KANSL1: variants seen among roughly 807,000 people sequenced by gnomAD.
The protein encoded by KANSL1 is KAT8 regulatory NSL complex subunit 1.
KANSL1 carries 22 observed loss-of-function variants against 103.6 expected under a neutral mutation model. The ratio of observed to expected loss-of-function variants is 0.21; its 90% CI spans 0.15 to 0.30. The LOEUF is 0.30. Among genes scored for constraint, KANSL1 ranks in the 10% least tolerant of loss-of-function variants. The pLI, the probability that KANSL1 is intolerant of heterozygous loss-of-function variation, is 1.00. For missense variants in KANSL1, 1,337 were observed against 1,399.8 expected (o/e 0.96, Z 0.72); for synonymous variants, 600 against 527.6 (o/e 1.14, Z -1.88).
At chr17:46,135,141 A>C (rs1254974640) in intron 2 of KANSL1, among the ~76,000 whole-genome samples, 2 of 150,672 alleles carry the variant, frequency 1.3e-5, no homozygotes, top group Non-Finnish European at 3.0e-5. Flanking sequence ...GAAGAAGCAC[A>C]GGGAGAAATA....
chr17:46,056,781 TTAAAACATTACAC>T (rs1568396188), intron 6 of KANSL1, among the ~76,000 whole-genome samples: 2 of 152,248 alleles, frequency 1.3e-5, no homozygotes, highest in Admixed American at 1.3e-4. Context: ...TCTGTAACTG[TTAAAACATTACAC>T]AAATGTTAGC....
chr17:46,114,223 G>A (rs2042944764), intron 2 of KANSL1, among the ~76,000 whole-genome samples: 1 of 152,174 alleles, frequency 6.6e-6, no homozygotes, highest in African/African-American at 2.4e-5. Context: ...GCTGGGCATG[G>A]TGGCAGGCGC....
chr17:46,124,499 C>T (rs62063163), intron 2 of KANSL1, among the ~76,000 whole-genome samples: 21,701 of 152,024 alleles, frequency 0.14, 2,128 homozygotes, highest in Non-Finnish European at 0.22. Flanking sequence ...CATTGTGCAG[C>T]CCACAGATCA....
At chr17:46,224,873 G>A (rs534581281), upstream of KANSL1, 4 of 151,732 alleles carry the variant, frequency 2.6e-5, no homozygotes, top group Middle Eastern at 3.4e-3. Flanking sequence ...AGAGCGCGGG[G>A]TGGGCTCAGG....
intron 2 of KANSL1, among the ~76,000 whole-genome samples, chr17:46,155,406 C>T (rs926617420): frequency 6.6e-6 from 1 of 152,200 alleles, no homozygotes; most frequent in South Asian, 2.1e-4. Flanking sequence ...GATTCGCCCA[C>T]CTCGGCCTCC....
intron 4 of KANSL1, among the ~76,000 whole-genome samples, chr17:46,069,520 A>AG (rs1276691867): frequency 1.4e-4 from 22 of 152,194 alleles, no homozygotes; most frequent in Admixed American, 1.2e-3. Context: ...TGAAGCAGGC[A>AG]GATCACCTGA....
At chr17:46,062,941 T>TCGGGAGAATGAGG (rs1210085515) in intron 6 of KANSL1, among the ~76,000 whole-genome samples, 1 of 151,986 alleles carries the variant, frequency 6.6e-6, no homozygotes, top group East Asian at 2.0e-4. Context: ...CCCCAGCTAC[T>TCGGGAGAATGAGG]CGGGAGAATG....
At chr17:46,082,313 G>C in intron 4 of KANSL1, 128 bp downstream of exon 4, 2 of 584,278 alleles carry the variant, frequency 3.4e-6, no homozygotes, top group South Asian at 2.3e-5. Flanking sequence ...AACACCAAAA[G>C]TGATAAAAGT....
At chr17:46,132,681 C>T (rs1298448937) in intron 2 of KANSL1, among the ~76,000 whole-genome samples, 1 of 152,238 alleles carries the variant, frequency 6.6e-6, no homozygotes, top group Non-Finnish European at 1.5e-5. Flanking sequence ...GGTTCAGTGG[C>T]TCTTGCCTGC....
chr17:46,216,192 G>A (rs1173710777), intron 1 of KANSL1, among the ~76,000 whole-genome samples: 7 of 152,176 alleles, frequency 4.6e-5, no homozygotes, highest in African/African-American at 7.2e-5. Flanking sequence ...GCATATAGAC[G>A]GCAAGTGAGG....
chr17:46,033,706 G>A (rs2077073392), intron 11 of KANSL1, among the ~76,000 whole-genome samples: 1 of 152,192 alleles, frequency 6.6e-6, no homozygotes, highest in African/African-American at 2.4e-5. Flanking sequence ...GAGGCTGAGA[G>A]ACTGTGACAA....
At chr17:46,185,801 T>A (rs1056682027) in intron 1 of KANSL1, among the ~76,000 whole-genome samples, 1 of 151,642 alleles carries the variant, frequency 6.6e-6, no homozygotes, top group Non-Finnish European at 1.5e-5. Context: ...GTGGGAGGAC[T>A]GCTTGAGCCC....
At chr17:46,115,711 A>G (rs1042135926) in intron 2 of KANSL1, among the ~76,000 whole-genome samples, 1 of 152,270 alleles carries the variant, frequency 6.6e-6, no homozygotes, top group Non-Finnish European at 1.5e-5. Context: ...AAACAATCCA[A>G]CAACTTTAGG....
rs575285710 is a variant in KANSL1, at chr17:46,062,079, A to G, written c.1848+4458T>C. On this transcript the variant is annotated intron_variant, in intron 6 of 14. Coordinates refer to ENST00000432791, the MANE Select transcript of KANSL1 (RefSeq NM_015443.4). Reference sequence around the variant, plus strand: ...TGCACTCCAGCCTGGGTGACAGATCAAGACTCCGACTCAAAAAAAAAAAAA... The same window carrying G: ...TGCACTCCAGCCTGGGTGACAGATCGAGACTCCGACTCAAAAAAAAAAAAA... Among the ~76,000 whole-genome samples, 21 of 141,186 alleles carry G rather than the reference A, an allele frequency of 1.5e-4. No homozygotes were observed. In the East Asian group the frequency reaches 3.8e-3, roughly 26 times the overall value. 92.6% of individuals were successfully genotyped at this position (141,186 alleles called of 152,430 possible).
intron 2 of KANSL1, among the ~76,000 whole-genome samples, chr17:46,168,381 C>T (rs995287790): frequency 1.3e-5 from 2 of 151,072 alleles, no homozygotes; most frequent in African/African-American, 4.9e-5. Flanking sequence ...CGGAGTTTCG[C>T]TCGTTGCCTA....
chr17:46,091,784 T>G (rs1334204841), intron 3 of KANSL1, among the ~76,000 whole-genome samples: 1 of 129,706 alleles, frequency 7.7e-6, no homozygotes, highest in Non-Finnish European at 1.9e-5. Flanking sequence ...CCACCTCAGC[T>G]TGTATGTATT....
intron 2 of KANSL1, among the ~76,000 whole-genome samples, chr17:46,161,056 G>A (rs1324024979): frequency 2.6e-5 from 4 of 152,132 alleles, no homozygotes; most frequent in Non-Finnish European, 4.4e-5. Flanking sequence ...TTCAACAAAT[G>A]TGGGCTATTA....
At chr17:46,161,479 G>A (rs1014024703) in intron 2 of KANSL1, among the ~76,000 whole-genome samples, 6 of 151,604 alleles carry the variant, frequency 4.0e-5, no homozygotes, top group Non-Finnish European at 8.8e-5. Context: ...AAATCAGTTC[G>A]GTCAAAATCC....
rs1345492989 is a variant in KANSL1 at position 46,032,115 on chromosome 17, C to T, written c.3022G>A (p.Asp1008Asn). 1 of 1,614,052 alleles carries T rather than the reference C, an allele frequency of 6.2e-7. No individual in the cohort carries two copies. The highest frequency in any genetic ancestry group is 1.1e-5 in the South Asian group (1 of 91,074). The change falls in exon 14 of 15, where the codon GAC becomes AAC. Residue 1008 changes from aspartate to asparagine, a missense_variant. Transcript: ENST00000432791. Reference sequence around the variant, plus strand: ...TCACTGGCTAAGTGTCGCGGAGTGTCCCGAGCCACAGGGGTGAGGGGTGCT... The same window carrying T: ...TCACTGGCTAAGTGTCGCGGAGTGTTCCGAGCCACAGGGGTGAGGGGTGCT... The part of the protein sequence containing the change: ...HSAPLTPVAR[D>N]TPRHLASEDT...
Sources: allele counts gnomAD v4.1 joint callset (sites outside exome capture counted in the v4.1 genomes callset), GRCh38; gene constraint gnomAD v4.1.1; transcripts MANE v1.5; gene names NCBI Gene and HGNC (gene_info 2026-07-23, HGNC 2026-07-21).